Variants in PALLD observed in about 807,000 individuals in gnomAD.
PALLD encodes the protein palladin.
A neutral mutation model predicts 123.5 loss-of-function variants in PALLD; 61 were observed. The ratio of observed to expected loss-of-function variants is 0.49; its 90% confidence interval spans 0.40 to 0.61. The LOEUF (loss-of-function observed/expected upper bound fraction) is 0.61, where lower values mean the gene tolerates loss of function less well. Among genes scored for constraint, PALLD ranks in the 20% least tolerant of loss-of-function variants. The probability of loss-of-function intolerance (pLI) is 0.00; values close to 1 mark genes in which losing one functional copy is unlikely to be tolerated. For missense variants in PALLD, 1,273 were observed against 1,377.0 expected (o/e 0.92, Z 1.20); for synonymous variants, 465 against 496.4 (o/e 0.94, Z 0.84).
At chr4:168,900,877 T>C (rs1372470031) in intron 14 of PALLD, among the ~76,000 whole-genome samples, 1 of 152,224 alleles carries the variant, frequency 6.6e-6, no homozygotes, top group Non-Finnish European at 1.5e-5. Flanking sequence ...ATCTTGAACT[T>C]CCAAGATATT....
chr4:168,822,529 C>T (rs1052555418), intron 10 of PALLD, among the ~76,000 whole-genome samples: 1 of 152,170 alleles, frequency 6.6e-6, no homozygotes, highest in African/African-American at 2.4e-5. Context: ...CAGCCTTCAA[C>T]CTGATACTAA....
In PALLD at chr4:168,916,102, T is replaced by C; in HGVS notation, c.2850+75T>C. The C allele has an allele frequency of 1.4e-6, 2 of 1,396,606 alleles. 1 individual carries two copies. The highest frequency in any genetic ancestry group is 2.3e-5 in the South Asian group (2 of 86,706). The allele number at this position is 1,396,606 out of a possible 1,614,324, so 86.5% of individuals were successfully genotyped here. On this transcript the variant is annotated intron_variant, in intron 17 of 21. Coordinates refer to ENST00000505667, the MANE Select transcript of PALLD (RefSeq NM_001166108.2). ...CTTGCCATTTCTCTATAGTTCCTTT[T>C]GGGGAAATTACATAAAGTATAAAAT...
At chr4:168,529,377 A>C (rs1764385566) in intron 2 of PALLD, among the ~76,000 whole-genome samples, 1 of 151,566 alleles carries the variant, frequency 6.6e-6, no homozygotes, top group Admixed American at 6.6e-5. Context: ...TCAAAATCTG[A>C]CTCCCTCCCT....
At chr4:168,759,592 G>A (rs1163510158) in intron 10 of PALLD, among the ~76,000 whole-genome samples, 2 of 151,920 alleles carry the variant, frequency 1.3e-5, no homozygotes, top group African/African-American at 4.8e-5. Flanking sequence ...GAACCTGTGA[G>A]AAGAAGAAAA....
intron 8 of PALLD, among the ~76,000 whole-genome samples, chr4:168,702,240 G>A (rs1783745966): frequency 3.3e-5 from 5 of 152,070 alleles, no homozygotes; most frequent in Non-Finnish European, 7.4e-5. Context: ...TAGAAAAAAA[G>A]AACATGTGCT....
At chr4:168,671,131 A>T (rs1045194611) in intron 3 of PALLD, among the ~76,000 whole-genome samples, 3 of 152,062 alleles carry the variant, frequency 2.0e-5, no homozygotes, top group African/African-American at 7.2e-5. Flanking sequence ...TATATAAGAT[A>T]TATATAAAAT....
chr4:168,649,394 A>T lies in PALLD; in HGVS notation c.909-18796A>T, dbSNP rs113153562. Among the ~76,000 whole-genome samples, 393 of 152,358 alleles carry T rather than the reference A, an allele frequency of 2.6e-3. 3 individuals are homozygous for T. Among genetic ancestry groups the T allele is most frequent in the African/African-American group, 8.9e-3 (371 of 41,584 alleles). Reference sequence around the variant, plus strand: ...TTTTAGAAAGCCCCCAATGGCCCTCATAATAGTGGGAAGTTTTAGAAACAA... The same window carrying T: ...TTTTAGAAAGCCCCCAATGGCCCTCTTAATAGTGGGAAGTTTTAGAAACAA... On this transcript the variant is annotated intron_variant, in intron 2 of 21. Coordinates refer to ENST00000505667, the MANE Select transcript of PALLD (RefSeq NM_001166108.2).
In PALLD at chr4:168,870,481, TTC is replaced by T. The variant is rs1750934314; in HGVS notation, c.1965-20439_1965-20438del. Among the ~76,000 whole-genome samples the T allele has an allele frequency of 5.3e-5, 8 of 152,352 alleles. No individual in the cohort carries two copies. In the South Asian group the frequency reaches 1.7e-3, roughly 32 times the overall value. On this transcript the variant is annotated intron_variant, in intron 10 of 21. Transcript: ENST00000505667. ...CCTCTCGAATGCCTTTAAAATCTTC[TTC>T]TGTTTTCCAAAAACTGATATATACG... is the stretch of plus-strand genomic sequence containing the variant.
rs150595576 is a variant in PALLD at position 168,783,046 on chromosome 4, A to ATGTGTGTG, written c.1964+71155_1964+71162dup. Reference sequence around the variant, plus strand: ...TTCTACTCACAAATTTTATATATATATGTGTGTGTGTGTGTGTGTGTGTGT... The same window carrying ATGTGTGTG: ...TTCTACTCACAAATTTTATATATATATGTGTGTGTGTGTGTGTGTGTGTGTGTGTGTGT... On this transcript the variant is annotated intron_variant, in intron 10 of 21. Transcript: ENST00000505667. Among the ~76,000 whole-genome samples the ATGTGTGTG allele has an allele frequency of 3.7e-3, 428 of 116,148 alleles. 1 individual carries two copies. The highest frequency in any genetic ancestry group is 8.5e-3 in the African/African-American group (293 of 34,578). 76.2% of individuals were successfully genotyped at this position (116,148 alleles called of 152,430 possible).
chr4:168,601,104 T>TAA (rs10650574), intron 2 of PALLD, among the ~76,000 whole-genome samples: 28,742 of 150,026 alleles, frequency 0.19, 2,713 homozygotes, highest in East Asian at 0.31. Flanking sequence ...GGCTCTTCTT[T>TAA]AAAAAAAAAA....
At chr4:168,612,601 G>A (rs1773846784) in intron 2 of PALLD, among the ~76,000 whole-genome samples, 1 of 152,012 alleles carries the variant, frequency 6.6e-6, no homozygotes, top group Non-Finnish European at 1.5e-5. Context: ...TGGGACATTT[G>A]CCCCCAAACG....
intron 10 of PALLD, among the ~76,000 whole-genome samples, chr4:168,789,165 ACT>A (rs143232796): frequency 1.8e-3 from 271 of 152,214 alleles, no homozygotes; most frequent in African/African-American, 6.3e-3. Context: ...CATTTTTGAC[ACT>A]CTCATTCATG....
At chr4:168,664,307 T>C (rs372438782) in intron 2 of PALLD, among the ~76,000 whole-genome samples, 7 of 152,328 alleles carry the variant, frequency 4.6e-5, no homozygotes, top group Middle Eastern at 3.4e-3. Context: ...AAATAATCAG[T>C]AAGTGCTATA....
chr4:168,514,066 A>C (rs1301742513), intron 2 of PALLD, among the ~76,000 whole-genome samples: 1 of 152,010 alleles, frequency 6.6e-6, no homozygotes, highest in Non-Finnish European at 1.5e-5. Flanking sequence ...AGATCATATC[A>C]CTGTACTCCA....
chr4:168,891,993 G>A (rs1482527682), intron 11 of PALLD, among the ~76,000 whole-genome samples: 1 of 151,934 alleles, frequency 6.6e-6, no homozygotes, highest in Non-Finnish European at 1.5e-5. Context: ...TAAACTGTAG[G>A]AAAAAATAAT....
chr4:168,517,407 TA>T (rs1763090838), intron 2 of PALLD, among the ~76,000 whole-genome samples: 1 of 152,190 alleles, frequency 6.6e-6, no homozygotes, highest in Non-Finnish European at 1.5e-5. Flanking sequence ...GTTAGCCCTG[TA>T]AAGTTTTATT....
intron 10 of PALLD, among the ~76,000 whole-genome samples, chr4:168,750,867 TC>T (rs1730968580): frequency 6.6e-6 from 1 of 152,174 alleles, no homozygotes; most frequent in South Asian, 2.1e-4. Flanking sequence ...TTATTGTACT[TC>T]CGGTTTACTT....
At chr4:168,746,026 T>C (rs1730243583) in intron 10 of PALLD, among the ~76,000 whole-genome samples, 1 of 152,154 alleles carries the variant, frequency 6.6e-6, no homozygotes, top group Non-Finnish European at 1.5e-5. Flanking sequence ...CGGGAAATCA[T>C]GTGTCCAAAA....
chr4:168,656,742 C>T (rs1389858659), intron 2 of PALLD, among the ~76,000 whole-genome samples: 1 of 152,126 alleles, frequency 6.6e-6, no homozygotes. Context: ...ATGTGCCATG[C>T]CCAAATGGCA....
Sources: allele counts gnomAD v4.1 joint callset (sites outside exome capture counted in the v4.1 genomes callset), GRCh38; gene constraint gnomAD v4.1.1; transcripts MANE v1.5; gene names NCBI Gene and HGNC (gene_info 2026-07-23, HGNC 2026-07-21).